Variants in DCUN1D2 observed in about 807,000 individuals in gnomAD.
The protein encoded by DCUN1D2 is DCN1-like protein 2.
Under a neutral mutation model 30.9 loss-of-function variants are expected in DCUN1D2, and 29 were observed. That is an observed-to-expected ratio of 0.94 (90% confidence interval 0.70 to 1.28). DCUN1D2 has a LOEUF of 1.28. Among genes scored for constraint, DCUN1D2 ranks in the 50% most tolerant of loss-of-function variants. DCUN1D2 has a pLI of 0.00. For synonymous variants in DCUN1D2, 121 were observed against 115.3 expected (o/e 1.05, Z -0.32); for missense variants, 325 against 316.9 (o/e 1.03, Z -0.19).
intron 4 of DCUN1D2, among the ~76,000 whole-genome samples, chr13:113,471,966 T>C (rs1341013584): frequency 6.6e-6 from 1 of 152,188 alleles, no homozygotes; most frequent in Non-Finnish European, 1.5e-5. Context: ...GGCCTGGCTG[T>C]GTGCCTGGAA....
intron 4 of DCUN1D2, among the ~76,000 whole-genome samples, chr13:113,465,862 T>C (rs995442049): frequency 1.4e-5 from 2 of 148,134 alleles, no homozygotes; most frequent in African/African-American, 2.6e-5. Context: ...TGTGTGTATA[T>C]ATATAGACAG....
chr13:113,462,247 C>T (rs1270967324), intron 4 of DCUN1D2, among the ~76,000 whole-genome samples: 31 of 142,358 alleles, frequency 2.2e-4, no homozygotes, highest in South Asian at 1.1e-3. Context: ...AGCGAAACTC[C>T]GTCTCAAAAA....
intron 4 of DCUN1D2, among the ~76,000 whole-genome samples, chr13:113,461,561 A>C (rs1424740006): frequency 1.3e-5 from 2 of 152,256 alleles, no homozygotes; most frequent in African/African-American, 4.8e-5. Flanking sequence ...TGTTCTCCAA[A>C]TAGACCTGCC....
In DCUN1D2 at chr13:113,472,574, C is replaced by T. The variant is rs796631544; in HGVS notation, c.520+1550G>A. ...ACCCTCGGTCGAAGGAAGCAGGGAA[C>T]GCACTCGCCCCCGAGGTCATCCGGC... On this transcript the variant is annotated intron_variant, in intron 4 of 6. Transcript: ENST00000478244. Among the ~76,000 whole-genome samples the T allele has an allele frequency of 1.4e-4, 22 of 152,320 alleles. No individual in the cohort carries two copies. The East Asian group carries it at 2.1e-3, about 15-fold the overall frequency.
intron 4 of DCUN1D2, among the ~76,000 whole-genome samples, chr13:113,472,478 G>A (rs939037903): frequency 6.6e-6 from 1 of 152,128 alleles, no homozygotes; most frequent in Non-Finnish European, 1.5e-5. Context: ...CAGACAGGAA[G>A]GGAGCGGTCA....
intron 4 of DCUN1D2, among the ~76,000 whole-genome samples, chr13:113,471,024 A>T (rs1287038965): frequency 6.7e-6 from 1 of 149,128 alleles, no homozygotes; most frequent in Non-Finnish European, 1.5e-5. Context: ...TCCACAGAGG[A>T]CCCAACTCCA....
chr13:113,486,192 C>A (rs1370916950), intron 1 of DCUN1D2, among the ~76,000 whole-genome samples: 1 of 151,896 alleles, frequency 6.6e-6, no homozygotes, highest in African/African-American at 2.4e-5. Context: ...AGATTGTGTC[C>A]TTTGCAGCAA....
In DCUN1D2 at chr13:113,480,862, A is replaced by G. The variant is rs1406524830; in HGVS notation, c.221-119T>C. On this transcript the variant is annotated intron_variant, in intron 2 of 6. Transcript: ENST00000478244. ...TAGTTCTAGCAAGCGTGTTTCCAAT[A>G]CATCAATCAATAGGCTGCAGTTTTC... The G allele has an allele frequency of 4.2e-6, 4 of 961,232 alleles. No homozygotes were observed. The East Asian group carries it at 8.2e-5, about 20-fold the overall frequency. 59.5% of individuals were successfully genotyped at this position (961,232 alleles called of 1,614,324 possible). A position where few individuals can be genotyped will look rare whatever the true frequency, so the allele number is the denominator to read the frequency against.
chr13:113,464,073 T>C (rs767550620), intron 4 of DCUN1D2, among the ~76,000 whole-genome samples: 49 of 152,370 alleles, frequency 3.2e-4, no homozygotes, highest in Non-Finnish European at 4.6e-4. Context: ...AAAAAACTTT[T>C]CTAAAAATAG....
intron 5 of DCUN1D2, among the ~76,000 whole-genome samples, chr13:113,460,260 G>A (rs562923366): frequency 6.6e-6 from 1 of 152,216 alleles, no homozygotes; most frequent in South Asian, 2.1e-4. Context: ...GCAAGGAAGC[G>A]GAAGTGACGT....
At chr13:113,471,021 A>AGGACCCAACTCCACAGG (rs2044501596) in intron 4 of DCUN1D2, among the ~76,000 whole-genome samples, 6 of 135,764 alleles carry the variant, frequency 4.4e-5, no homozygotes, top group Non-Finnish European at 9.4e-5. Flanking sequence ...AACTCCACAG[A>AGGACCCAACTCCACAGG]GGACCCAACT....
In DCUN1D2 at chr13:113,462,704, A is replaced by C. The variant is rs1285102397; in HGVS notation, c.521-1568T>G. Reference sequence around the variant, plus strand: ...AGAAAGAGAGAGTCAGAAAGTGCCAAGTAACTGAGATATGGAACAGCTCTC... The same window carrying C: ...AGAAAGAGAGAGTCAGAAAGTGCCACGTAACTGAGATATGGAACAGCTCTC... On this transcript the variant is annotated intron_variant, in intron 4 of 6. Transcript: ENST00000478244. 3.1e-6 allele frequency: 3 copies of C among 982,324 alleles called. No individual in the cohort carries two copies. In the African/African-American group the frequency reaches 5.2e-5, roughly 17 times the overall value. The allele number at this position is 982,324 out of a possible 1,614,324, so 60.9% of individuals were successfully genotyped here. A position where few individuals can be genotyped will look rare whatever the true frequency, so the allele number is the denominator to read the frequency against.
chr13:113,464,378 G>A (rs1295826826), intron 4 of DCUN1D2, among the ~76,000 whole-genome samples: 4 of 152,162 alleles, frequency 2.6e-5, no homozygotes, highest in South Asian at 2.1e-4. Context: ...TTTATAAAAC[G>A]CAGGCTGAAC....
rs2044236041 is a variant in DCUN1D2 at position 113,456,936 on chromosome 13, G to A, written c.*1093C>T. On this transcript the variant is annotated 3_prime_UTR_variant, in exon 7 of 7. Transcript: ENST00000478244. ...ACTCTGTCGTCCAGGCTGGAGTGCA[G>A]TGGCGCGATCTCGACTCACTGTAAC... The A allele has an allele frequency of 6.6e-6, 1 of 152,316 alleles. No individual in the cohort carries two copies. The highest frequency in any genetic ancestry group is 2.4e-5 in the African/African-American group (1 of 41,452). The allele number at this position is 152,316 out of a possible 1,614,324, so 9.4% of individuals were successfully genotyped here.
Position 113,490,152 on chromosome 13 carries a change from C to T in DCUN1D2, c.3+515G>A, listed in dbSNP as rs1262301716. On this transcript the variant is annotated intron_variant, in intron 1 of 6. Coordinates refer to ENST00000478244, the MANE Select transcript of DCUN1D2 (RefSeq NM_001014283.2). This position sits in a 1 kb window ranked among gnomAD's most constrained non-coding sequence, Gnocchi z 5.2. ...CACACCTACAGCCACGCTACAGCTCCCGGCTAGAGCCCGCGCTAGGGCCCC... is the reference window on the plus strand; with the variant it reads ...CACACCTACAGCCACGCTACAGCTCTCGGCTAGAGCCCGCGCTAGGGCCCC... 1.3e-5 allele frequency among the ~76,000 whole-genome samples: 2 copies of T among 152,230 alleles called. No homozygotes were observed. Among genetic ancestry groups the T allele is most frequent in the African/African-American group, 4.8e-5 (2 of 41,462 alleles).
Position 113,455,995 on chromosome 13 carries a change from C to G in DCUN1D2, c.*2034G>C, listed in dbSNP as rs144997293. On this transcript the variant is annotated 3_prime_UTR_variant, in exon 7 of 7. Coordinates refer to ENST00000478244, the MANE Select transcript of DCUN1D2 (RefSeq NM_001014283.2). ...TTTAAATCTCAAAAACAAAAAAGTA[C>G]TGTGGATCTCCATAGTTTATACAGA... 5.2e-6 allele frequency: 2 copies of G among 388,056 alleles called. No homozygotes were observed. The highest frequency in any genetic ancestry group is 7.4e-5 in the East Asian group (2 of 27,148). 24.0% of individuals were successfully genotyped at this position (388,056 alleles called of 1,614,324 possible). A position where few individuals can be genotyped will look rare whatever the true frequency, so the allele number is the denominator to read the frequency against.
In DCUN1D2 at chr13:113,456,182, G is replaced by C. The variant is rs2044223358; in HGVS notation, c.*1847C>G. 1 of 398,470 alleles carries C rather than the reference G, an allele frequency of 2.5e-6. No individual in the cohort carries two copies. Among genetic ancestry groups the C allele is most frequent in the South Asian group, 1.3e-4 (1 of 7,854 alleles). The allele number at this position is 398,470 out of a possible 1,614,324, so 24.7% of individuals were successfully genotyped here. On this transcript the variant is annotated 3_prime_UTR_variant, in exon 7 of 7. Coordinates refer to ENST00000478244, the MANE Select transcript of DCUN1D2 (RefSeq NM_001014283.2). The stretch of plus-strand genomic sequence containing the variant: ...ATCGAAGACTTCTAAAGGTAGACAG[G>C]CCCAGTTTCCCATTAGAGTTCTGGA...
intron 1 of DCUN1D2, among the ~76,000 whole-genome samples, chr13:113,486,389 C>T (rs893468650): frequency 6.6e-6 from 1 of 152,164 alleles, no homozygotes; most frequent in African/African-American, 2.4e-5. Flanking sequence ...TACCCACCGG[C>T]TACTGTGCTT....
intron 4 of DCUN1D2, among the ~76,000 whole-genome samples, chr13:113,465,566 C>T (rs2077694633): frequency 6.6e-6 from 1 of 151,658 alleles, no homozygotes; most frequent in Admixed American, 6.6e-5. Flanking sequence ...CAGCACCTGT[C>T]AGGAGCACAG....
Sources: allele counts gnomAD v4.1 joint callset (sites outside exome capture counted in the v4.1 genomes callset), GRCh38; gene constraint gnomAD v4.1.1; non-coding constraint Gnocchi (gnomAD v3.1); transcripts MANE v1.5; gene names NCBI Gene and HGNC (gene_info 2026-07-23, HGNC 2026-07-21).